GREB1L: variants seen among roughly 807,000 people sequenced by gnomAD.
GREB1L encodes GREB1-like protein.
Under a neutral mutation model 200.8 loss-of-function variants are expected in GREB1L, and 17 were observed. The observed-to-expected ratio is 0.08, with a 90% CI of 0.06 to 0.13. GREB1L has a LOEUF of 0.13. Ranked by LOEUF, GREB1L falls within the 10% of genes least tolerant of loss-of-function variation. The pLI is 1.00. For missense variants in GREB1L, 1,657 were observed against 2,367.7 expected, an observed-to-expected ratio of 0.70 and a Z score of 6.23; for synonymous variants, 789 against 893.0, an observed-to-expected ratio of 0.88 and a Z score of 2.08.
At chr18:21,518,269 C>T (rs936701200) in intron 31 of GREB1L, 35 bp downstream of exon 31, 7 of 1,519,004 alleles carry the variant, frequency 4.6e-6, no homozygotes, top group African/African-American at 1.4e-5. Flanking sequence ...TGCTTACCTA[C>T]ATCCATCCAT....
At chr18:21,454,298 T>C (rs1412533559) in intron 14 of GREB1L, 68 bp from the exon 15 acceptor site, 1 of 1,018,868 alleles carries the variant, frequency 9.8e-7, no homozygotes, top group Non-Finnish European at 1.5e-6. Flanking sequence ...TGTGTCCTCA[T>C]AGAGATTCAC....
At chr18:21,403,752 A>T in intron 6 of GREB1L, 120 bp from the exon 7 acceptor site, 1 of 739,226 alleles carries the variant, frequency 1.4e-6, no homozygotes, top group Non-Finnish European at 2.2e-6. Context: ...ATCTCTAATT[A>T]AAGTGGCTGC....
chr18:21,372,967 A>T (rs1465475797), intron 2 of GREB1L, among the ~76,000 whole-genome samples: 2 of 150,424 alleles, frequency 1.3e-5, no homozygotes, highest in Non-Finnish European at 3.0e-5. Context: ...AGCTATTGTT[A>T]GTGTTCATGT....
chr18:21,506,066 G>C, intron 25 of GREB1L, 117 bp downstream of exon 25: 1 of 1,108,920 alleles, frequency 9.0e-7, no homozygotes, highest in Non-Finnish European at 1.2e-6. Flanking sequence ...GTAAAGGATA[G>C]TTTACTCATA....
intron 1 of GREB1L, among the ~76,000 whole-genome samples, chr18:21,276,531 C>T (rs1260657064): frequency 6.6e-6 from 1 of 152,164 alleles, no homozygotes; most frequent in Non-Finnish European, 1.5e-5. Context: ...CATCAGCATG[C>T]CTGTTCCACC....
chr18:21,244,551 G>T (rs2037564769), intron 1 of GREB1L, among the ~76,000 whole-genome samples: 1 of 152,138 alleles, frequency 6.6e-6, no homozygotes, highest in East Asian at 1.9e-4. Flanking sequence ...AGGGTCCTTC[G>T]AACTCCAGAG....
chr18:21,408,451 A>G (rs539292056), intron 7 of GREB1L, among the ~76,000 whole-genome samples: 4 of 152,328 alleles, frequency 2.6e-5, no homozygotes, highest in African/African-American at 9.6e-5. Flanking sequence ...AATGGCTAAT[A>G]AGCACATGAA....
chr18:21,511,194 G>A (rs1358628463), intron 27 of GREB1L, among the ~76,000 whole-genome samples: 2 of 151,922 alleles, frequency 1.3e-5, no homozygotes, highest in Non-Finnish European at 2.9e-5. Context: ...GACCAACCCC[G>A]TCTCTACTAA....
At position 21,496,501 on chromosome 18, in the gene GREB1L, C is replaced by T. The variant is rs1480442865; in HGVS notation, c.3194C>T (p.Thr1065Ile). Residue 1065 changes from threonine to isoleucine, a missense_variant, in exon 21 of 33, where the codon ACT (threonine) becomes ATT (isoleucine). Coordinates refer to ENST00000424526, the MANE Select transcript of GREB1L (RefSeq NM_001142966.3). Reference protein sequence around the residue: ...DLRLIDSSYLTRTALEQEVGL... With the variant: ...DLRLIDSSYLIRTALEQEVGL... The stretch of plus-strand genomic sequence containing the variant: ...CGGTTAATTGACTCAAGCTATTTAA[C>T]TCGCACGGCCTTGGAGCAGGAGGTG... 10 of 1,551,604 alleles carry T rather than the reference C, an allele frequency of 6.4e-6. No homozygotes were observed. Among genetic ancestry groups the T allele is most frequent in the Middle Eastern group, 1.7e-4 (1 of 6,014 alleles).
chr18:21,462,504 C>T (rs2035085788), intron 15 of GREB1L, among the ~76,000 whole-genome samples: 1 of 152,194 alleles, frequency 6.6e-6, no homozygotes, highest in Non-Finnish European at 1.5e-5. Context: ...GGCTGGAGTG[C>T]AGTGGCACGA....
chr18:21,522,686 C>G lies in GREB1L; in HGVS notation c.5637C>G (p.Asp1879Glu). 6.4e-7 allele frequency: 1 copy of G among 1,551,640 alleles called. No individual in the cohort carries two copies. The highest frequency in any genetic ancestry group is 1.2e-5 in the South Asian group (1 of 84,048). ...CTACACTGTGTGTCATCTGCCAAGACAGAAGTTCCTTGCGCCAAACAATTG... is the reference window on the plus strand; with the variant it reads ...CTACACTGTGTGTCATCTGCCAAGAGAGAAGTTCCTTGCGCCAAACAATTG... ...KGATLCVICQDRSSLRQTIVR... is the reference protein window; with the variant it reads ...KGATLCVICQERSSLRQTIVR... The change falls in exon 33 of 33, where the codon GAC (aspartate) becomes GAG (glutamate). Residue 1879 changes from aspartate to glutamate, a missense_variant. By Grantham distance (45) the Asp-to-Glu change is conservative. Transcript: ENST00000424526.
chr18:21,343,828 A>G (rs1188096610), intron 1 of GREB1L, among the ~76,000 whole-genome samples: 3 of 145,878 alleles, frequency 2.1e-5, no homozygotes, highest in Non-Finnish European at 4.5e-5. Context: ...CTCTGCCTCC[A>G]GGATTCAAGT....
intron 1 of GREB1L, among the ~76,000 whole-genome samples, chr18:21,357,926 A>G (rs2039528494): frequency 6.6e-6 from 1 of 152,102 alleles, no homozygotes; most frequent in South Asian, 2.1e-4. Flanking sequence ...TTTGCTCAAG[A>G]TTGCTTTGGC....
chr18:21,425,664 G>A (rs1598810796), intron 7 of GREB1L, among the ~76,000 whole-genome samples: 1 of 152,280 alleles, frequency 6.6e-6, no homozygotes, highest in East Asian at 1.9e-4. Context: ...CTTGTCATGT[G>A]CTTATTGGCC....
chr18:21,384,518 G>T (rs2040456917), intron 4 of GREB1L, 115 bp downstream of exon 4: 3 of 788,454 alleles, frequency 3.8e-6, no homozygotes, highest in African/African-American at 3.5e-5. Context: ...GTATGGAGAG[G>T]AATGAGAAAT....
At chr18:21,410,350 A>C (rs1457869902) in intron 7 of GREB1L, among the ~76,000 whole-genome samples, 1 of 152,002 alleles carries the variant, frequency 6.6e-6, no homozygotes, top group Admixed American at 6.6e-5. Flanking sequence ...AAAGGTGAAT[A>C]TATTATTATA....
intron 20 of GREB1L, 51 bp downstream of exon 20, chr18:21,495,836 G>A: frequency 1.9e-6 from 2 of 1,042,346 alleles, no homozygotes; most frequent in Non-Finnish European, 2.8e-6. Flanking sequence ...CAGCTGAACT[G>A]ATGATTAAAA....
chr18:21,326,781 A>G (rs2039028920), intron 1 of GREB1L, among the ~76,000 whole-genome samples: 2 of 152,226 alleles, frequency 1.3e-5, no homozygotes, highest in South Asian at 4.1e-4. Flanking sequence ...CTCATCGTTA[A>G]ACAAGTTCTT....
At chr18:21,467,012 A>G (rs2035285062) in intron 15 of GREB1L, among the ~76,000 whole-genome samples, 1 of 152,214 alleles carries the variant, frequency 6.6e-6, no homozygotes, top group Non-Finnish European at 1.5e-5. Context: ...GAGAAAGAAC[A>G]GTCTTTTCAA....
Sources: gnomAD v4.1 joint callset for allele counts (sites outside exome capture counted in the v4.1 genomes callset) on GRCh38, gnomAD v4.1.1 for gene constraint, MANE v1.5 for transcripts, NCBI Gene and HGNC (gene_info 2026-07-23, HGNC 2026-07-21) for gene names.